The following ATP7B variants were observed in gnomAD, a reference collection of about 807,000 sequenced individuals.
The protein encoded by ATP7B is ATPase copper transporting beta, also known as copper-transporting ATPase 2.
A neutral mutation model predicts 118.9 loss-of-function variants in ATP7B; 113 were observed. The observed-to-expected ratio is 0.95, with a 90% CI of 0.82 to 1.11. ATP7B has a LOEUF of 1.11. ATP7B is among the 50% of genes most tolerant of loss of function. The pLI is 0.00. For missense variants in ATP7B, 1,867 were observed against 1,871.4 expected (o/e 1.00, Z 0.04); for synonymous variants, 777 against 727.4 (o/e 1.07, Z -1.10).
At chr13:51,987,666 T>C (rs1952721646) in intron 1 of ATP7B, among the ~76,000 whole-genome samples, 2 of 152,148 alleles carry the variant, frequency 1.3e-5, no homozygotes, top group South Asian at 4.1e-4. Flanking sequence ...CAAACTATAC[T>C]ACAAGGCTAT....
chr13:51,960,043 C>T, intron 7 of ATP7B, 105 bp downstream of exon 7: 1 of 1,425,002 alleles, frequency 7.0e-7, no homozygotes, highest in Non-Finnish European at 9.9e-7. Flanking sequence ...CAATAAAGTG[C>T]CATTTAAACC....
At position 51,937,491 on chromosome 13, in the gene ATP7B, G is replaced by T; in HGVS notation, c.3888C>A (p.Asp1296Glu). ...TGTDVAIEAA[D>E]VVLIRNDLLD... ...CCACGCTCACTCTGATAAGGACGAC[G>T]TCGGCTGCCTCGATGGCCACATCCG... The change falls in exon 18 of 21, where the codon GAC becomes GAA. Residue 1296 changes from aspartate (D) to glutamate (E), a missense_variant. By Grantham distance (45) the Asp-to-Glu change is conservative. Transcript: ENST00000242839. 1 of 1,614,070 alleles carries T rather than the reference G, an allele frequency of 6.2e-7. No individual in the cohort carries two copies.
intron 1 of ATP7B, among the ~76,000 whole-genome samples, chr13:51,991,772 T>C (rs1180575737): frequency 6.6e-6 from 1 of 152,146 alleles, no homozygotes; most frequent in African/African-American, 2.4e-5. Context: ...GAACCTTTGA[T>C]AGGAACACCT....
At chr13:51,968,242 T>C (rs903190438) in intron 4 of ATP7B, among the ~76,000 whole-genome samples, 1 of 152,218 alleles carries the variant, frequency 6.6e-6, no homozygotes, top group Non-Finnish European at 1.5e-5. Context: ...ATCCTCCCCA[T>C]GACTGTTTAA....
At chr13:51,978,167 C>CA (rs1215584762) in intron 1 of ATP7B, among the ~76,000 whole-genome samples, 1 of 151,740 alleles carries the variant, frequency 6.6e-6, no homozygotes, top group Non-Finnish European at 1.5e-5. Context: ...ACAATAAGGA[C>CA]AAAAAATTAT....
chr13:51,962,201 T>A lies in ATP7B; in HGVS notation c.1870-288A>T, dbSNP rs1038663350. ...GAGTGAAGGAATCCCAGATACCTAA[T>A]GGTCAGAAATCTTCATTCCATGTAT... On this transcript the variant is annotated intron_variant, in intron 5 of 20. Transcript: ENST00000242839. 2.0e-5 allele frequency among the ~76,000 whole-genome samples: 3 copies of A among 152,188 alleles called. No homozygotes were observed. In the East Asian group the frequency reaches 5.8e-4, roughly 29 times the overall value.
chr13:51,964,711 C>G, intron 5 of ATP7B, 161 bp downstream of exon 5: 1 of 768,220 alleles, frequency 1.3e-6, no homozygotes, highest in South Asian at 1.9e-5. Context: ...TATTTACTTA[C>G]CTGCAGTTTA....
At chr13:51,972,717 T>C (rs1009328680) in intron 2 of ATP7B, among the ~76,000 whole-genome samples, 4 of 152,306 alleles carry the variant, frequency 2.6e-5, no homozygotes, top group African/African-American at 9.6e-5. Flanking sequence ...CCCATGATGG[T>C]GGCTGAGCAT....
At chr13:52,002,899 C>T (rs1953582150) in intron 1 of ATP7B, among the ~76,000 whole-genome samples, 1 of 152,122 alleles carries the variant, frequency 6.6e-6, no homozygotes, top group Non-Finnish European at 1.5e-5. Flanking sequence ...CAAAAAAATG[C>T]TAACAATCAT....
upstream of ATP7B, chr13:52,012,091 A>C (rs1593894499): frequency 1.0e-5 from 5 of 500,274 alleles, no homozygotes; most frequent in Non-Finnish European, 1.5e-5. Context: ...TGGGCCGGGA[A>C]CGGGGGCGCA....
intron 19 of ATP7B, 56 bp from the exon 20 acceptor site, chr13:51,935,751 G>T (rs188698847): frequency 2.0e-6 from 3 of 1,513,390 alleles, no homozygotes; most frequent in Non-Finnish European, 2.7e-6. Context: ...AGCCAGGAGA[G>T]GGCTTCAGGC....
chr13:51,956,554 A>G (rs887986935), intron 9 of ATP7B, among the ~76,000 whole-genome samples: 1 of 152,106 alleles, frequency 6.6e-6, no homozygotes, highest in African/African-American at 2.4e-5. Flanking sequence ...CTCTCCCACC[A>G]ACGGGGCAGG....
intron 16 of ATP7B, among the ~76,000 whole-genome samples, chr13:51,940,162 G>A (rs937947409): frequency 2.7e-5 from 4 of 150,420 alleles, no homozygotes; most frequent in East Asian, 2.0e-4. Flanking sequence ...AGAGGCATGC[G>A]CCACCACACC....
intron 1 of ATP7B, among the ~76,000 whole-genome samples, chr13:51,980,723 T>C (rs1204941358): frequency 6.6e-6 from 1 of 152,234 alleles, no homozygotes; most frequent in Admixed American, 6.5e-5. Flanking sequence ...CTGGCCACTT[T>C]GGAGGTCTCT....
At chr13:51,954,627 G>T (rs1958219374) in intron 9 of ATP7B, among the ~76,000 whole-genome samples, 1 of 152,194 alleles carries the variant, frequency 6.6e-6, no homozygotes, top group Non-Finnish European at 1.5e-5. Flanking sequence ...TGTGAATGAG[G>T]GCAGACAGGC....
intron 2 of ATP7B, 54 bp downstream of exon 2, chr13:51,973,881 G>C: frequency 6.2e-7 from 1 of 1,612,096 alleles, no homozygotes; most frequent in African/African-American, 1.3e-5. Flanking sequence ...GGAGCTATAA[G>C]ACACAAAGAG....
Position 51,937,502 on chromosome 13 carries a change from C to G in ATP7B, c.3877G>C (p.Glu1293Gln). ...AIGTGTDVAI[E>Q]AADVVLIRND... is the part of the protein sequence containing the mutation. ...CTGATAAGGACGACGTCGGCTGCCT[C>G]GATGGCCACATCCGTGCCGGTGCCA... The change falls in exon 18 of 21, where the codon GAG becomes CAG. Residue 1293 changes from glutamate (E) to glutamine (Q), a missense_variant. Transcript: ENST00000242839. The G allele has an allele frequency of 6.2e-7, 1 of 1,614,094 alleles. No individual in the cohort carries two copies. The highest frequency in any genetic ancestry group is 8.5e-7 in the Non-Finnish European group (1 of 1,179,990).
chr13:51,937,504 A>T lies in ATP7B; in HGVS notation c.3875T>A (p.Ile1292Asn). The change falls in exon 18 of 21, where the codon ATC becomes AAC. Residue 1292 changes from isoleucine to asparagine, a missense_variant. Ile to Asn is a moderately radical substitution (Grantham distance 149). Coordinates refer to ENST00000242839, the MANE Select transcript of ATP7B (RefSeq NM_000053.4). ...VAIGTGTDVAIEAADVVLIRN... is the reference protein window; with the variant it reads ...VAIGTGTDVANEAADVVLIRN... ...GATAAGGACGACGTCGGCTGCCTCG[A>T]TGGCCACATCCGTGCCGGTGCCAAT... is the stretch of plus-strand genomic sequence containing the variant. 1 of 1,614,022 alleles carries T rather than the reference A, an allele frequency of 6.2e-7. No individual in the cohort carries two copies. The highest frequency in any genetic ancestry group is 8.5e-7 in the Non-Finnish European group (1 of 1,179,940).
chr13:51,988,838 T>C (rs927404813), intron 1 of ATP7B, among the ~76,000 whole-genome samples: 1 of 136,652 alleles, frequency 7.3e-6, no homozygotes, highest in African/African-American at 2.8e-5. Flanking sequence ...TTCTCACTCA[T>C]AAGTGGGAGC....
Sources: gnomAD v4.1 joint callset for allele counts (sites outside exome capture counted in the v4.1 genomes callset) on GRCh38, gnomAD v4.1.1 for gene constraint, MANE v1.5 for transcripts, NCBI Gene and HGNC (gene_info 2026-07-23, HGNC 2026-07-21) for gene names.